TENM2: variants seen among roughly 807,000 people sequenced by gnomAD.
TENM2 encodes the protein teneurin-2.
TENM2 carries 52 observed loss-of-function variants against 245.2 expected under a neutral mutation model. That is an observed-to-expected ratio of 0.21 (90% CI 0.17 to 0.27). The LOEUF (loss-of-function observed/expected upper bound fraction) is 0.27. Ranked by LOEUF, TENM2 falls within the 10% of genes least tolerant of loss-of-function variation. TENM2 has a pLI of 1.00. For missense variants in TENM2, 3,046 were observed against 3,666.8 expected (o/e 0.83, Z 4.37); for synonymous variants, 1,363 against 1,438.9 (o/e 0.95, Z 1.19).
chr5:167,092,576 A>T, the TENM2 span, among the ~76,000 whole-genome samples: 1 of 152,194 alleles, frequency 6.6e-6, no homozygotes, highest in Non-Finnish European at 1.5e-5. Flanking sequence ...TATGTGGATC[A>T]TCTCCCTAAA....
chr5:168,033,469 C>A (rs1429588736), intron 5 of TENM2, among the ~76,000 whole-genome samples: 1 of 151,748 alleles, frequency 6.6e-6, no homozygotes, highest in African/African-American at 2.4e-5. Context: ...TTTTAATGAT[C>A]AATGAGAAAT....
intron 4 of TENM2, among the ~76,000 whole-genome samples, chr5:167,990,634 C>G (rs1783595963): frequency 6.6e-6 from 1 of 152,180 alleles, no homozygotes; most frequent in Non-Finnish European, 1.5e-5. Context: ...TGCCTAGCTT[C>G]CTCTTCCAAA....
intron 1 of TENM2, among the ~76,000 whole-genome samples, chr5:167,353,155 G>A (rs1257734521): frequency 6.6e-6 from 1 of 152,156 alleles, no homozygotes; most frequent in East Asian, 1.9e-4. Flanking sequence ...AATGCTTTCT[G>A]AGCAGACTGG....
intron 2 of TENM2, among the ~76,000 whole-genome samples, chr5:167,490,740 CAAGATT>C (rs1404196638): frequency 3.3e-5 from 5 of 152,066 alleles, no homozygotes; most frequent in East Asian, 3.9e-4. Flanking sequence ...ACTTTTTAAC[CAAGATT>C]AATTAAATTC....
At chr5:167,278,156 T>A in the TENM2 span, among the ~76,000 whole-genome samples, 1 of 151,944 alleles carries the variant, frequency 6.6e-6, no homozygotes, top group African/African-American at 2.4e-5. Context: ...ATACACAAAT[T>A]ATCCAGGCAT....
At position 167,811,555 on chromosome 5, in the gene TENM2, T is replaced by G. The variant is rs199887657; in HGVS notation, c.503-64431T>G. Among the ~76,000 whole-genome samples the G allele has an allele frequency of 1.5e-3, 233 of 152,270 alleles. 5 individuals carry two copies. The East Asian group carries it at 0.031, about 20-fold the overall frequency. ...ACTTAAACCTCTTTTTTTAATAAAT[T>G]ACCCAGTCTCAGGAATTTCTTTATG... On this transcript the variant is annotated intron_variant, in intron 2 of 28. Coordinates refer to ENST00000518659, the Ensembl canonical transcript of TENM2.
chr5:167,996,505 G>T (rs1784058566), intron 5 of TENM2, among the ~76,000 whole-genome samples: 1 of 152,148 alleles, frequency 6.6e-6, no homozygotes, highest in Non-Finnish European at 1.5e-5. Context: ...TTTCCTCTCA[G>T]GAAGGTGTCT....
chr5:167,059,988 C>T, the TENM2 span, among the ~76,000 whole-genome samples: 8 of 152,044 alleles, frequency 5.3e-5, no homozygotes, highest in African/African-American at 7.2e-5. Context: ...TGGGCATGAG[C>T]CACCGTGCCC....
chr5:167,622,363 G>A (rs553030637), intron 2 of TENM2, among the ~76,000 whole-genome samples: 38 of 151,998 alleles, frequency 2.5e-4, no homozygotes, highest in Admixed American at 1.8e-3. Context: ...CATGTTGCCC[G>A]CATAAACCAA....
At chr5:167,971,582 T>A (rs4976565) in intron 4 of TENM2, among the ~76,000 whole-genome samples, 1 of 151,770 alleles carries the variant, frequency 6.6e-6, no homozygotes, top group Non-Finnish European at 1.5e-5. Flanking sequence ...ACGCCTATAA[T>A]CCCAGCTACT....
chr5:167,808,258 G>A (rs1465645435), intron 2 of TENM2, among the ~76,000 whole-genome samples: 3 of 151,900 alleles, frequency 2.0e-5, no homozygotes, highest in Non-Finnish European at 4.4e-5. Flanking sequence ...CTTCTTTTTT[G>A]TTTGTCTGTT....
chr5:168,253,751 T>C (rs1236583898), intron 27 of TENM2, among the ~76,000 whole-genome samples: 1 of 152,226 alleles, frequency 6.6e-6, no homozygotes, highest in Non-Finnish European at 1.5e-5. Flanking sequence ...TAAGCAGCTA[T>C]GGACTTGGAG....
the TENM2 span, among the ~76,000 whole-genome samples, chr5:167,128,616 A>G: frequency 6.6e-6 from 1 of 151,532 alleles, no homozygotes; most frequent in Non-Finnish European, 1.5e-5. Context: ...AGCTCTACTT[A>G]TGGACACTTC....
chr5:167,304,499 T>C (rs1755548025), intron 1 of TENM2, among the ~76,000 whole-genome samples: 1 of 152,162 alleles, frequency 6.6e-6, no homozygotes, highest in African/African-American at 2.4e-5. Flanking sequence ...ATAGGGCAGA[T>C]GTGTAGTGCA....
chr5:168,026,529 T>C (rs147740048), intron 5 of TENM2, among the ~76,000 whole-genome samples: 11 of 152,282 alleles, frequency 7.2e-5, no homozygotes, highest in Non-Finnish European at 1.3e-4. Context: ...TGTGGTAAAT[T>C]ATCCACATAG....
chr5:168,113,577 C>T (rs1794846252), intron 9 of TENM2, among the ~76,000 whole-genome samples: 1 of 145,732 alleles, frequency 6.9e-6, no homozygotes, highest in Admixed American at 6.9e-5. Flanking sequence ...GAGTAAATAA[C>T]ACTGATAATT....
chr5:168,043,441 A>G (rs1788365545), intron 5 of TENM2, among the ~76,000 whole-genome samples: 2 of 152,180 alleles, frequency 1.3e-5, no homozygotes, highest in South Asian at 4.1e-4. Flanking sequence ...GTATGATGAT[A>G]TCACATTTAC....
At chr5:167,640,872 T>TATATATATATATCC in intron 2 of TENM2, among the ~76,000 whole-genome samples, 1 of 47,156 alleles carries the variant, frequency 2.1e-5, no homozygotes, top group Non-Finnish European at 3.4e-5. Flanking sequence ...TATATATATA[T>TATATATATATATCC]ATATATATAT....
At chr5:167,967,459 T>G (rs1781465108) in intron 4 of TENM2, among the ~76,000 whole-genome samples, 1 of 152,204 alleles carries the variant, frequency 6.6e-6, no homozygotes, top group Admixed American at 6.5e-5. Flanking sequence ...TCCAGCCTAT[T>G]CTTGGCATGG....
Sources: gnomAD v4.1 joint callset for allele counts (sites outside exome capture counted in the v4.1 genomes callset) on GRCh38, gnomAD v4.1.1 for gene constraint, MANE v1.5 for transcripts, NCBI Gene and HGNC (gene_info 2026-07-23, HGNC 2026-07-21) for gene names.